Variants in C12orf54 observed in about 807,000 individuals in gnomAD.
C12orf54 encodes the protein uncharacterized protein C12orf54.
In C12orf54, 24 loss-of-function variants were observed where a neutral mutation model predicts 26.4. That is an observed-to-expected ratio of 0.91 (90% CI 0.66 to 1.28). C12orf54 has a LOEUF of 1.28. Among genes scored for constraint, C12orf54 ranks in the 50% most tolerant of loss-of-function variants. C12orf54 has a pLI of 0.00. For missense variants in C12orf54, 154 were observed against 150.9 expected, an observed-to-expected ratio of 1.02 and a Z score of -0.11; for synonymous variants, 54 against 47.0, an observed-to-expected ratio of 1.15 and a Z score of -0.61.
At chr12:48,416,324 C>T in the C12orf54 span, among the ~76,000 whole-genome samples, 20 of 152,112 alleles carry the variant, frequency 1.3e-4, no homozygotes, top group Non-Finnish European at 1.5e-5. Flanking sequence ...CCTTTTTTAC[C>T]CATCGCTTGC....
upstream of C12orf54, among the ~76,000 whole-genome samples, chr12:48,478,737 T>G (rs1271843342): frequency 6.6e-6 from 1 of 152,174 alleles, no homozygotes; most frequent in Non-Finnish European, 1.5e-5. Context: ...AAAGAAGACA[T>G]TTATGCAGCC....
chr12:48,457,591 C>G, the C12orf54 span, among the ~76,000 whole-genome samples: 2 of 152,060 alleles, frequency 1.3e-5, no homozygotes, highest in Non-Finnish European at 2.9e-5. Flanking sequence ...CTCGGCCTCC[C>G]AAAGTTGGAT....
the C12orf54 span, among the ~76,000 whole-genome samples, chr12:48,473,900 T>C: frequency 1.3e-5 from 2 of 152,182 alleles, no homozygotes; most frequent in African/African-American, 4.8e-5. Flanking sequence ...CCCTGGTTTG[T>C]AAATAGCAAC....
At chr12:48,433,278 G>A in the C12orf54 span, among the ~76,000 whole-genome samples, 1 of 152,156 alleles carries the variant, frequency 6.6e-6, no homozygotes, top group South Asian at 2.1e-4. Context: ...CCAGAACTAG[G>A]CTCACCAGGA....
chr12:48,492,785 T>A, intron 6 of C12orf54, 162 bp from the exon 7 acceptor site: 1 of 625,800 alleles, frequency 1.6e-6, no homozygotes, highest in Non-Finnish European at 2.9e-6. Flanking sequence ...GGTGCCACAT[T>A]CTGCAACTGC....
At chr12:48,423,538 A>T in the C12orf54 span, among the ~76,000 whole-genome samples, 2 of 152,056 alleles carry the variant, frequency 1.3e-5, no homozygotes, top group Non-Finnish European at 2.9e-5. Context: ...ATTATCATAA[A>T]ATCAAGCATT....
At chr12:48,483,424 C>A in intron 2 of C12orf54, 63 bp downstream of exon 2, 2 of 1,497,676 alleles carry the variant, frequency 1.3e-6, no homozygotes, top group South Asian at 1.2e-5. Context: ...GGAGAAGAAC[C>A]AGGGCCTCCT....
chr12:48,443,281 A>G, the C12orf54 span, among the ~76,000 whole-genome samples: 9,486 of 152,226 alleles, frequency 0.062, 985 homozygotes, highest in African/African-American at 0.21. Context: ...GGAGAGATTG[A>G]AGGAAAAATA....
the C12orf54 span, chr12:48,442,672 T>C: frequency 5.9e-6 from 1 of 168,902 alleles, no homozygotes; most frequent in Non-Finnish European, 1.3e-5. Flanking sequence ...TGCAGCCCTC[T>C]ACTGAGATGG....
chr12:48,427,099 G>T, the C12orf54 span, among the ~76,000 whole-genome samples: 6 of 151,962 alleles, frequency 3.9e-5, no homozygotes, highest in East Asian at 1.2e-3. Flanking sequence ...TGGTGGACAG[G>T]TCTTCCAATA....
At chr12:48,455,157 C>T in the C12orf54 span, among the ~76,000 whole-genome samples, 1 of 152,140 alleles carries the variant, frequency 6.6e-6, no homozygotes, top group East Asian at 1.9e-4. Flanking sequence ...TCCCTGTGTA[C>T]TCAATGTTTA....
the C12orf54 span, among the ~76,000 whole-genome samples, chr12:48,432,240 G>C: frequency 6.6e-6 from 1 of 151,960 alleles, no homozygotes; most frequent in Non-Finnish European, 1.5e-5. Context: ...TTTCCAAAAT[G>C]TTTTTATTGC....
the C12orf54 span, among the ~76,000 whole-genome samples, chr12:48,432,103 T>C: frequency 6.6e-6 from 1 of 152,344 alleles, no homozygotes; most frequent in Non-Finnish European, 1.5e-5. Flanking sequence ...AAGTTTTTAA[T>C]ACTCTACCTA....
chr12:48,425,149 G>A, the C12orf54 span, among the ~76,000 whole-genome samples: 2 of 151,994 alleles, frequency 1.3e-5, no homozygotes, highest in Non-Finnish European at 2.9e-5. Flanking sequence ...TGGTGTCACA[G>A]GGATTTGTTG....
At chr12:48,420,860 G>A in the C12orf54 span, among the ~76,000 whole-genome samples, 4 of 152,056 alleles carry the variant, frequency 2.6e-5, no homozygotes, top group African/African-American at 7.2e-5. Flanking sequence ...TGTTTGATAT[G>A]TCTGGTGCCA....
At chr12:48,495,063 C>A in intron 8 of C12orf54, 84 bp downstream of exon 8, 1 of 1,027,612 alleles carries the variant, frequency 9.7e-7, no homozygotes, top group Admixed American at 2.3e-5. Context: ...AGGCCCTCAT[C>A]CCAACATGGC....
In C12orf54 at chr12:48,488,823, G is replaced by C. The variant is rs929679191; in HGVS notation, c.136-101G>C. On this transcript the variant is annotated intron_variant, in intron 4 of 8. Transcript: ENST00000548364. ...CTTGGCATTCACATTCTACAGCCTA[G>C]TGGCTAGGAGACTAGGTAACTTAAT... 7 of 979,062 alleles carry C rather than the reference G, an allele frequency of 7.1e-6. No homozygotes were observed. The African/African-American group carries it at 9.8e-5, about 14-fold the overall frequency. 60.6% of individuals were successfully genotyped at this position (979,062 alleles called of 1,614,324 possible). A position where few individuals can be genotyped will look rare whatever the true frequency, so the allele number is the denominator to read the frequency against.
chr12:48,490,804 T>C lies in C12orf54; in HGVS notation c.169-8T>C, dbSNP rs750645959. ...ATCATCTCTGACTGTATTCTCATTATTTTTCAGCTGCAGGAAGATGCTCGG... is the reference window on the plus strand; with the variant it reads ...ATCATCTCTGACTGTATTCTCATTACTTTTCAGCTGCAGGAAGATGCTCGG... On this transcript the variant is annotated splice_region_variant and splice_polypyrimidine_tract_variant and intron_variant, in intron 5 of 8. Coordinates refer to ENST00000548364, the MANE Select transcript of C12orf54 (RefSeq NM_152319.4). 2 of 1,613,452 alleles carry C rather than the reference T, an allele frequency of 1.2e-6. No individual in the cohort carries two copies. The highest frequency in any genetic ancestry group is 4.5e-5 in the East Asian group (2 of 44,876).
At chr12:48,435,855 G>A in the C12orf54 span, among the ~76,000 whole-genome samples, 1 of 152,046 alleles carries the variant, frequency 6.6e-6, no homozygotes, top group African/African-American at 2.4e-5. Context: ...ATCAACTAAC[G>A]AGCAAAATAA....
Sources: gnomAD v4.1 joint callset for allele counts (sites outside exome capture counted in the v4.1 genomes callset) on GRCh38, gnomAD v4.1.1 for gene constraint, MANE v1.5 for transcripts, NCBI Gene and HGNC (gene_info 2026-07-23, HGNC 2026-07-21) for gene names.